The following GLYCTK variants were observed in gnomAD, a reference collection of about 807,000 sequenced individuals.
The protein encoded by GLYCTK is HBeAg binding protein 4.
A neutral mutation model predicts 24.8 loss-of-function variants in GLYCTK; 22 were observed. That is an observed-to-expected ratio of 0.89 (90% CI 0.63 to 1.27). The LOEUF is 1.27. GLYCTK is among the 50% of genes most tolerant of loss of function. The pLI is 0.00. For synonymous variants in GLYCTK, 320 were observed against 297.2 expected (o/e 1.08, Z -0.79); for missense variants, 684 against 686.7 (o/e 1.00, Z 0.04).
In GLYCTK at chr3:52,292,384, G is replaced by A. The variant is rs1201297498; in HGVS notation, c.830G>A (p.Arg277His). The change falls in exon 5 of 5, where the codon CGT becomes CAT. Residue 277 changes from arginine (R) to histidine (H), a missense_variant. Transcript: ENST00000436784. ...CLHILNRYGL[R>H]AALPRSVKTV... is the part of the protein sequence containing the mutation. ...CATATCCTCAATCGCTACGGCCTCC[G>A]TGCAGCCCTGCCACGTTCTGTGAAG... 4 of 1,613,780 alleles carry A rather than the reference G, an allele frequency of 2.5e-6. No individual in the cohort carries two copies. Among genetic ancestry groups the A allele is most frequent in the Non-Finnish European group, 3.4e-6 (4 of 1,179,998 alleles).
In GLYCTK at chr3:52,295,182, T is replaced by C; in HGVS notation, c.*2056T>C. The stretch of plus-strand genomic sequence containing the variant: ...TTTGGCCACAGTCTAAATGCTGAGA[T>C]GAGAAAACCCTGCACAGTGAATGTT... On this transcript the variant is annotated 3_prime_UTR_variant, in exon 5 of 5. Coordinates refer to ENST00000436784, the MANE Select transcript of GLYCTK (RefSeq NM_145262.4). 4.4e-6 allele frequency: 2 copies of C among 454,094 alleles called. No homozygotes were observed. The highest frequency in any genetic ancestry group is 8.8e-6 in the Non-Finnish European group (2 of 226,764). The allele number at this position is 454,094 out of a possible 1,614,324, so 28.1% of individuals were successfully genotyped here.
intron 1 of GLYCTK, chr3:52,290,100 C>T (rs1456213043): frequency 1.4e-5 from 8 of 575,262 alleles, no homozygotes; most frequent in East Asian, 2.9e-5. Context: ...AAGAGGAGGA[C>T]GTGGCTGGGT....
chr3:52,294,501 T>G lies in GLYCTK; in HGVS notation c.*1375T>G, dbSNP rs929255687. On this transcript the variant is annotated 3_prime_UTR_variant, in exon 5 of 5. Transcript: ENST00000436784. ...GGCTCACACAGGGCAGGCTGGAGATTGGGAGGGAGGTAAACGTGGTAAGCG... is the reference window on the plus strand; with the variant it reads ...GGCTCACACAGGGCAGGCTGGAGATGGGGAGGGAGGTAAACGTGGTAAGCG... The G allele has an allele frequency of 2.6e-6, 1 of 387,906 alleles. No individual in the cohort carries two copies. The highest frequency in any genetic ancestry group is 5.1e-6 in the Non-Finnish European group (1 of 195,304). The allele number at this position is 387,906 out of a possible 1,614,324, so 24.0% of individuals were successfully genotyped here. A position where few individuals can be genotyped will look rare whatever the true frequency, so the allele number is the denominator to read the frequency against.
intron 1 of GLYCTK, among the ~76,000 whole-genome samples, chr3:52,288,298 C>A (rs74624182): frequency 6.6e-6 from 1 of 152,128 alleles, no homozygotes; most frequent in Non-Finnish European, 1.5e-5. Flanking sequence ...CTGCAACCTC[C>A]GCCTCCCCTG....
intron 3 of GLYCTK, 140 bp from the exon 4 acceptor site, chr3:52,291,607 C>T (rs1700471421): frequency 3.9e-6 from 3 of 760,926 alleles, no homozygotes; most frequent in Admixed American, 4.7e-5. Flanking sequence ...GGTGACTGTA[C>T]ACATATTGCA....
intron 4 of GLYCTK, 134 bp from the exon 5 acceptor site, chr3:52,292,126 G>T: frequency 7.7e-7 from 1 of 1,299,754 alleles, no homozygotes; most frequent in Non-Finnish European, 1.1e-6. Flanking sequence ...GCCCACGTGA[G>T]AGGAGTTAAC....
At position 52,294,416 on chromosome 3, in the gene GLYCTK, C is replaced by T. The variant is rs749364787; in HGVS notation, c.*1290C>T. On this transcript the variant is annotated 3_prime_UTR_variant, in exon 5 of 5. Transcript: ENST00000436784. ...CAGGACTTTCCCCTGGGAAGGGTTT[C>T]CCTTCCCCACCTGGGCTCTGGGCAG... The T allele has an allele frequency of 6.3e-5, 31 of 490,854 alleles. No individual in the cohort carries two copies. The highest frequency in any genetic ancestry group is 4.6e-4 in the South Asian group (31 of 68,004). The allele number at this position is 490,854 out of a possible 1,614,324, so 30.4% of individuals were successfully genotyped here. A position where few individuals can be genotyped will look rare whatever the true frequency, so the allele number is the denominator to read the frequency against.
intron 4 of GLYCTK, 119 bp from the exon 5 acceptor site, chr3:52,292,141 G>A: frequency 7.2e-7 from 1 of 1,395,050 alleles, no homozygotes; most frequent in South Asian, 1.2e-5. Flanking sequence ...GTTAACCATG[G>A]GTAAGGAAAT....
chr3:52,288,107 C>G (rs1389061744), intron 1 of GLYCTK: 1 of 188,168 alleles, frequency 5.3e-6, no homozygotes, highest in East Asian at 1.8e-4. Flanking sequence ...GAGTCAAGAC[C>G]GGTAGTCTTC....
intron 1 of GLYCTK, among the ~76,000 whole-genome samples, chr3:52,289,691 G>T (rs1265278375): frequency 6.6e-6 from 1 of 152,204 alleles, no homozygotes; most frequent in Non-Finnish European, 1.5e-5. Context: ...TCCTCAGATT[G>T]CTTGCCCTGA....
At chr3:52,291,161 ATC>A in intron 3 of GLYCTK, 50 bp downstream of exon 3, 1 of 1,592,618 alleles carries the variant, frequency 6.3e-7, no homozygotes, top group Non-Finnish European at 8.5e-7. Flanking sequence ...GCACCACCTG[ATC>A]TCTCAGGTCT....
Position 52,292,624 on chromosome 3 carries a change from C to T in GLYCTK, c.1070C>T (p.Thr357Ile). Reference protein sequence around the residue: ...FYGLLAHVARTRLTPSMAGAS... With the variant: ...FYGLLAHVARIRLTPSMAGAS... ...GGGCTGCTGGCCCATGTGGCTAGAA[C>T]CCGCCTCACCCCATCCATGGCTGGG... Residue 357 changes from threonine (T) to isoleucine (I), a missense_variant, in exon 5 of 5, where the codon ACC becomes ATC. Thr to Ile is a moderately conservative substitution (Grantham distance 89). Transcript: ENST00000436784. 6.2e-7 allele frequency: 1 copy of T among 1,610,330 alleles called. No homozygotes were observed. The highest frequency in any genetic ancestry group is 8.5e-7 in the Non-Finnish European group (1 of 1,177,520).
chr3:52,293,345 A>G lies in GLYCTK; in HGVS notation c.*219A>G, dbSNP rs1700547830. ...TGGGGGCTTCCCCCTACCCCTGAGG[A>G]TGAGGACAAGCCCCTCGGCCAGTTC... is the stretch of plus-strand genomic sequence containing the variant. On this transcript the variant is annotated 3_prime_UTR_variant, in exon 5 of 5. Transcript: ENST00000436784. 2 of 702,116 alleles carry G rather than the reference A, an allele frequency of 2.8e-6. No individual in the cohort carries two copies. Among genetic ancestry groups the G allele is most frequent in the East Asian group, 5.4e-5 (2 of 36,964 alleles). The allele number at this position is 702,116 out of a possible 1,614,324, so 43.5% of individuals were successfully genotyped here.
In GLYCTK at chr3:52,294,500, TTGGG is replaced by T; in HGVS notation, c.*1375_*1378del. ...TGGCTCACACAGGGCAGGCTGGAGA[TTGGG>T]AGGGAGGTAAACGTGGTAAGCGGGC... On this transcript the variant is annotated 3_prime_UTR_variant, in exon 5 of 5. Coordinates refer to ENST00000436784, the MANE Select transcript of GLYCTK (RefSeq NM_145262.4). 2.6e-6 allele frequency: 1 copy of T among 386,602 alleles called. No homozygotes were observed. The highest frequency in any genetic ancestry group is 1.9e-5 in the South Asian group (1 of 52,952). 23.9% of individuals were successfully genotyped at this position (386,602 alleles called of 1,614,324 possible).
rs1009719482 is a variant in GLYCTK, at chr3:52,294,278, G to A, written c.*1152G>A. 2 of 534,616 alleles carry A rather than the reference G, an allele frequency of 3.7e-6. No individual in the cohort carries two copies. The highest frequency in any genetic ancestry group is 7.7e-6 in the Non-Finnish European group (2 of 260,090). The allele number at this position is 534,616 out of a possible 1,614,324, so 33.1% of individuals were successfully genotyped here. ...ATGAGTGAGCAGTAGAATCACATAG[G>A]AATAAAAAGCCATAGAGAACAGCGA... On this transcript the variant is annotated 3_prime_UTR_variant, in exon 5 of 5. Coordinates refer to ENST00000436784, the MANE Select transcript of GLYCTK (RefSeq NM_145262.4).
chr3:52,293,899 A>AC lies in GLYCTK; in HGVS notation c.*779dup, dbSNP rs150131402. On this transcript the variant is annotated 3_prime_UTR_variant, in exon 5 of 5. Transcript: ENST00000436784. ...TTCTGGTTGAGCTGAAGTTTGTCCC[A>AC]CCCCCCAGTGCTGTTTCCTTGTGAC... The AC allele has an allele frequency of 9.2e-4, 418 of 453,458 alleles. 8 individuals are homozygous for AC. In the East Asian group the frequency reaches 0.028, roughly 30 times the overall value. The allele number at this position is 453,458 out of a possible 1,614,324, so 28.1% of individuals were successfully genotyped here. A position where few individuals can be genotyped will look rare whatever the true frequency, so the allele number is the denominator to read the frequency against.
In GLYCTK at chr3:52,294,301, C is replaced by T. The variant is rs1337648801; in HGVS notation, c.*1175C>T. On this transcript the variant is annotated 3_prime_UTR_variant, in exon 5 of 5. Transcript: ENST00000436784. ...AGGAATAAAAAGCCATAGAGAACAG[C>T]GAGGCCTGGGGCTGCTCTTGCAGGC... The T allele has an allele frequency of 7.5e-6, 4 of 534,586 alleles. No homozygotes were observed. The highest frequency in any genetic ancestry group is 1.4e-5 in the South Asian group (1 of 71,600). 33.1% of individuals were successfully genotyped at this position (534,586 alleles called of 1,614,324 possible).
At position 52,292,240 on chromosome 3, in the gene GLYCTK, G is replaced by T; in HGVS notation, c.706-20G>T. On this transcript the variant is annotated intron_variant, in intron 4 of 4. Coordinates refer to ENST00000436784, the MANE Select transcript of GLYCTK (RefSeq NM_145262.4). ...GGAGGAGGAAGTGGGCCTGAGCCTT[G>T]TCTGGTGGCCCTTCCCCAGGTGGTG... 1 of 1,613,652 alleles carries T rather than the reference G, an allele frequency of 6.2e-7. No homozygotes were observed. The highest frequency in any genetic ancestry group is 8.5e-7 in the Non-Finnish European group (1 of 1,179,914).
At position 52,293,761 on chromosome 3, in the gene GLYCTK, C is replaced by A. The variant is rs142035206; in HGVS notation, c.*635C>A. On this transcript the variant is annotated 3_prime_UTR_variant, in exon 5 of 5. Transcript: ENST00000436784. ...TGGGGTGACCAGCCACCCACCCACC[C>A]AACCATGACTCCACCATGGCACTGT... 7.6e-4 allele frequency: 345 copies of A among 453,666 alleles called. No individual in the cohort carries two copies. Among genetic ancestry groups the A allele is most frequent in the African/African-American group, 5.1e-3 (256 of 50,126 alleles). 28.1% of individuals were successfully genotyped at this position (453,666 alleles called of 1,614,324 possible). A position where few individuals can be genotyped will look rare whatever the true frequency, so the allele number is the denominator to read the frequency against.
Sources: gnomAD v4.1 joint callset for allele counts (sites outside exome capture counted in the v4.1 genomes callset) on GRCh38, gnomAD v4.1.1 for gene constraint, MANE v1.5 for transcripts, NCBI Gene and HGNC (gene_info 2026-07-23, HGNC 2026-07-21) for gene names.